Variants in POLK observed in about 807,000 individuals in gnomAD.
POLK encodes polymerase (DNA directed) kappa.
A neutral mutation model predicts 94.0 loss-of-function variants in POLK; 76 were observed. That is an observed-to-expected ratio of 0.81 (90% confidence interval 0.67 to 0.98). The LOEUF (loss-of-function observed/expected upper bound fraction) is 0.98. Among genes scored for constraint, POLK ranks in the 50% least tolerant of loss-of-function variants. The pLI, the probability that POLK is intolerant of heterozygous loss-of-function variation, is 0.00. For synonymous variants in POLK, 349 were observed against 325.4 expected (o/e 1.07, Z -0.78); for missense variants, 954 against 1,010.1 (o/e 0.94, Z 0.75).
At chr5:75,606,499 G>A in the POLK span, among the ~76,000 whole-genome samples, 8,044 of 93,414 alleles carry the variant, frequency 0.086, 452 homozygotes, top group East Asian at 0.18. Flanking sequence ...AGGTCCCTGC[G>A]GCCTTCCGCA....
chr5:75,541,455 T>G (rs1769738031), intron 1 of POLK, among the ~76,000 whole-genome samples: 1 of 152,200 alleles, frequency 6.6e-6, no homozygotes, highest in Non-Finnish European at 1.5e-5. Flanking sequence ...TTAATGTCTT[T>G]AGGATGAAGT....
intron 1 of POLK, among the ~76,000 whole-genome samples, chr5:75,525,582 C>T (rs914437571): frequency 4.6e-5 from 7 of 152,016 alleles, no homozygotes; most frequent in African/African-American, 1.7e-4. Context: ...GTAATTGAAC[C>T]TCCAAAGGGA....
At chr5:75,576,021 GA>G (rs1416050591) in intron 5 of POLK, among the ~76,000 whole-genome samples, 1 of 151,286 alleles carries the variant, frequency 6.6e-6, no homozygotes, top group Non-Finnish European at 1.5e-5. Flanking sequence ...TAAGTGGTTA[GA>G]AAAAAAAGTC....
rs571203501 is a variant in POLK at position 75,554,539 on chromosome 5, A to G, written c.255+1948A>G. On this transcript the variant is annotated intron_variant, in intron 3 of 14. Transcript: ENST00000241436. ...CTTTTAAGTTCAGGGGTACATGTGT[A>G]GGTTTGTTATATAAATAAACTGGTG... Among the ~76,000 whole-genome samples, 191 of 151,984 alleles carry G rather than the reference A, an allele frequency of 1.3e-3. 1 individual carries two copies. Among genetic ancestry groups the G allele is most frequent in the African/African-American group, 4.5e-3 (188 of 41,464 alleles).
downstream of POLK, among the ~76,000 whole-genome samples, chr5:75,601,479 C>T (rs1003987114): frequency 6.6e-6 from 1 of 152,154 alleles, no homozygotes; most frequent in African/African-American, 2.4e-5. Context: ...AGAAGATTAA[C>T]ATTTGAGTCA....
intron 5 of POLK, among the ~76,000 whole-genome samples, chr5:75,575,724 ACT>A (rs972497809): frequency 2.6e-5 from 4 of 152,086 alleles, no homozygotes; most frequent in African/African-American, 4.8e-5. Context: ...TAATTAAGGC[ACT>A]CTCTGAGTAA....
intron 3 of POLK, among the ~76,000 whole-genome samples, chr5:75,557,865 C>T (rs984316107): frequency 6.6e-6 from 1 of 152,212 alleles, no homozygotes; most frequent in African/African-American, 2.4e-5. Flanking sequence ...CCTCAGCTCA[C>T]TGCATCTTCC....
intron 3 of POLK, among the ~76,000 whole-genome samples, chr5:75,556,992 G>A (rs1193574075): frequency 6.6e-6 from 1 of 152,200 alleles, no homozygotes; most frequent in Non-Finnish European, 1.5e-5. Context: ...GGGCCTGGGA[G>A]GTGGAGGTGG....
At chr5:75,527,304 C>T (rs1768906675) in intron 1 of POLK, among the ~76,000 whole-genome samples, 1 of 151,730 alleles carries the variant, frequency 6.6e-6, no homozygotes, top group African/African-American at 2.4e-5. Context: ...TGCTTCAGCC[C>T]AGGAGTTCTA....
At chr5:75,543,667 C>G (rs1769866343) in intron 1 of POLK, among the ~76,000 whole-genome samples, 1 of 152,074 alleles carries the variant, frequency 6.6e-6, no homozygotes, top group African/African-American at 2.4e-5. Context: ...CAACATATGC[C>G]TATGAAACTG....
chr5:75,558,620 A>G (rs983341712), intron 3 of POLK, among the ~76,000 whole-genome samples: 1 of 152,182 alleles, frequency 6.6e-6, no homozygotes, highest in African/African-American at 2.4e-5. Flanking sequence ...CGGTAGGAAT[A>G]TAGTTTAATA....
At chr5:75,584,707 AT>A in intron 8 of POLK, 52 bp from the exon 9 acceptor site, 1 of 1,098,432 alleles carries the variant, frequency 9.1e-7, no homozygotes. Context: ...TGTAATCTCA[AT>A]TTTTAGCTTC....
intron 10 of POLK, among the ~76,000 whole-genome samples, chr5:75,588,738 A>C (rs920144344): frequency 2.0e-5 from 3 of 152,132 alleles, no homozygotes; most frequent in Non-Finnish European, 4.4e-5. Flanking sequence ...TCTGGGAGAG[A>C]GTCCATTTCT....
chr5:75,599,415 T>C (rs1773240068), exon 15 of POLK: 1 of 152,172 alleles, frequency 6.6e-6, no homozygotes, highest in Non-Finnish European at 1.5e-5. Context: ...ATTTTAGGAA[T>C]AGCTTAATTA....
At chr5:75,511,329 G>A, upstream of POLK, 1 of 1,546,932 alleles carries the variant, frequency 6.5e-7, no homozygotes, top group Non-Finnish European at 8.7e-7. Context: ...CTCCGGTGTG[G>A]GGGGGAGCAG....
At chr5:75,569,209 A>G (rs1283985694) in intron 3 of POLK, 131 bp from the exon 4 acceptor site, 7 of 621,786 alleles carry the variant, frequency 1.1e-5, no homozygotes, top group Admixed American at 3.1e-5. Flanking sequence ...GGATGAATGG[A>G]TGGATGGATG....
chr5:75,569,227 G>T, intron 3 of POLK, 113 bp from the exon 4 acceptor site: 1 of 668,838 alleles, frequency 1.5e-6, no homozygotes. Context: ...ATGGATGAAT[G>T]GGTGTGTGGA....
intron 1 of POLK, among the ~76,000 whole-genome samples, chr5:75,526,352 TGA>T (rs1240028628): frequency 1.3e-5 from 2 of 152,038 alleles, no homozygotes; most frequent in Non-Finnish European, 2.9e-5. Context: ...GAAAAGGAAA[TGA>T]GAGGGGAAAT....
intron 12 of POLK, 118 bp from the exon 13 acceptor site, chr5:75,596,104 A>G (rs1773067053): frequency 1.6e-6 from 1 of 631,876 alleles, no homozygotes; most frequent in East Asian, 2.6e-5. Flanking sequence ...AATGTTACTT[A>G]TAGTTTCTCT....
Sources: gnomAD v4.1 joint callset for allele counts (sites outside exome capture counted in the v4.1 genomes callset) on GRCh38, gnomAD v4.1.1 for gene constraint, MANE v1.5 for transcripts, NCBI Gene and HGNC (gene_info 2026-07-23, HGNC 2026-07-21) for gene names.